CSTF3: variants seen among roughly 807,000 people sequenced by gnomAD.
The protein encoded by CSTF3 is cleavage stimulation factor subunit 3.
In CSTF3, 29 loss-of-function variants were observed where a neutral mutation model predicts 105.8. The ratio of observed to expected loss-of-function variants is 0.27; its 90% confidence interval spans 0.20 to 0.37. The LOEUF (loss-of-function observed/expected upper bound fraction) is 0.37, where lower values mean the gene tolerates loss of function less well. Ranked by LOEUF, CSTF3 falls within the 10% of genes least tolerant of loss-of-function variation. The pLI, the probability that CSTF3 is intolerant of heterozygous loss-of-function variation, is 1.00. For synonymous variants in CSTF3, 252 were observed against 281.9 expected, an observed-to-expected ratio of 0.89 and a Z score of 1.06; for missense variants, 357 against 879.3, an observed-to-expected ratio of 0.41 and a Z score of 7.51.
At chr11:33,131,596 C>A (rs1203587583) in intron 3 of CSTF3, among the ~76,000 whole-genome samples, 1 of 152,096 alleles carries the variant, frequency 6.6e-6, no homozygotes, top group Non-Finnish European at 1.5e-5. Context: ...CCTGTAATCC[C>A]CGCACTTTGG....
chr11:33,084,774 C>CTGT lies in CSTF3; in HGVS notation c.*310_*312dup, dbSNP rs1281245957. 3.7e-5 allele frequency: 12 copies of CTGT among 323,650 alleles called. No individual in the cohort carries two copies. The highest frequency in any genetic ancestry group is 2.3e-4 in the African/African-American group (11 of 47,780). 20.0% of individuals were successfully genotyped at this position (323,650 alleles called of 1,614,324 possible). On this transcript the variant is annotated 3_prime_UTR_variant, in exon 21 of 21. Coordinates refer to ENST00000323959, the MANE Select transcript of CSTF3 (RefSeq NM_001326.3). Reference sequence around the variant, plus strand: ...AAGCCATCCAGTTTTTAAAATAAAACTGTTGAAAAACTCACAAATCTTCAA... The same window carrying CTGT: ...AAGCCATCCAGTTTTTAAAATAAAACTGTTGTTGAAAAACTCACAAATCTTCAA...
chr11:33,108,046 C>A, intron 4 of CSTF3, 46 bp from the exon 5 acceptor site: 1 of 1,224,690 alleles, frequency 8.2e-7, no homozygotes, highest in Non-Finnish European at 1.2e-6. Flanking sequence ...AAATAAATTT[C>A]ACATGGACAT....
chr11:33,085,357 G>A, intron 20 of CSTF3, 68 bp from the exon 21 acceptor site: 1 of 880,232 alleles, frequency 1.1e-6, no homozygotes. Context: ...GTTCAACTGT[G>A]GATACTTTAT....
intron 1 of CSTF3, among the ~76,000 whole-genome samples, chr11:33,145,749 G>C (rs894005725): frequency 6.6e-6 from 1 of 151,968 alleles, no homozygotes; most frequent in East Asian, 1.9e-4. Context: ...GGGAGGCAGA[G>C]CTTGCAGTGA....
chr11:33,088,442 G>A (rs973451609), intron 17 of CSTF3, among the ~76,000 whole-genome samples: 15 of 151,710 alleles, frequency 9.9e-5, no homozygotes, highest in East Asian at 1.9e-4. Context: ...CACCAAGCCC[G>A]GCCAATTTTT....
chr11:33,108,050 T>C (rs1855343870), intron 4 of CSTF3, 50 bp from the exon 5 acceptor site: 3 of 1,160,796 alleles, frequency 2.6e-6, no homozygotes, highest in Non-Finnish European at 3.7e-6. Flanking sequence ...AAATTTCACA[T>C]GGACATAGAT....
chr11:33,132,250 C>G (rs1038696221), intron 3 of CSTF3, among the ~76,000 whole-genome samples: 3 of 152,120 alleles, frequency 2.0e-5, no homozygotes, highest in Non-Finnish European at 4.4e-5. Flanking sequence ...CATACCTTTT[C>G]CATACTACCA....
chr11:33,120,441 T>C (rs1034887478), intron 3 of CSTF3, among the ~76,000 whole-genome samples: 8 of 151,896 alleles, frequency 5.3e-5, no homozygotes, highest in African/African-American at 1.9e-4. Context: ...TGTTTTCCTT[T>C]TTGTAACAAT....
At chr11:33,144,077 C>T (rs1274391860) in intron 1 of CSTF3, among the ~76,000 whole-genome samples, 5 of 151,974 alleles carry the variant, frequency 3.3e-5, no homozygotes, top group Non-Finnish European at 5.9e-5. Flanking sequence ...TGATAATATC[C>T]GAGCATAAAG....
At chr11:33,154,092 C>T (rs1350810161) in intron 1 of CSTF3, among the ~76,000 whole-genome samples, 1 of 152,132 alleles carries the variant, frequency 6.6e-6, no homozygotes. Context: ...TTTAAAACAA[C>T]CAGCTATCAT....
chr11:33,150,219 T>TAAAAAAAAAAAAAAA (rs10714096), intron 1 of CSTF3, among the ~76,000 whole-genome samples: 53 of 104,344 alleles, frequency 5.1e-4, no homozygotes, highest in Non-Finnish European at 7.1e-4. Flanking sequence ...TGTCTCAAAC[T>TAAAAAAAAAAAAAAA]AAAAAAAAAA....
Position 33,161,411 on chromosome 11 carries a change from TAA to T in CSTF3, c.-88_-87del, listed in dbSNP as rs1408775438. The stretch of plus-strand genomic sequence containing the variant: ...AAACTAAAAACCACCCCCAAATCAG[TAA>T]AGTTACCCCCTGCCCAGCTGAGCCA... On this transcript the variant is annotated 5_prime_UTR_variant, in exon 1 of 21. Coordinates refer to ENST00000323959, the MANE Select transcript of CSTF3 (RefSeq NM_001326.3). 5 of 1,458,536 alleles carry T rather than the reference TAA, an allele frequency of 3.4e-6. No homozygotes were observed. Among genetic ancestry groups the T allele is most frequent in the South Asian group, 1.1e-5 (1 of 87,950 alleles). 90.3% of individuals were successfully genotyped at this position (1,458,536 alleles called of 1,614,324 possible). A position where few individuals can be genotyped will look rare whatever the true frequency, so the allele number is the denominator to read the frequency against.
At chr11:33,148,841 G>C (rs1432725318) in intron 1 of CSTF3, among the ~76,000 whole-genome samples, 1 of 149,470 alleles carries the variant, frequency 6.7e-6, no homozygotes, top group Non-Finnish European at 1.5e-5. Flanking sequence ...AAAAGCATGT[G>C]TGTGTGTACT....
intron 3 of CSTF3, 29 bp downstream of exon 3, chr11:33,141,637 AT>A: frequency 2.5e-6 from 4 of 1,592,348 alleles, no homozygotes; most frequent in Non-Finnish European, 3.4e-6. Context: ...TGCAATACTG[AT>A]ATAAGAAAAA....
chr11:33,139,088 T>A (rs1009153489), intron 3 of CSTF3, among the ~76,000 whole-genome samples: 11 of 152,050 alleles, frequency 7.2e-5, no homozygotes, highest in Admixed American at 2.0e-4. Flanking sequence ...TAACCTTTTT[T>A]AAAAGTAATT....
chr11:33,158,372 T>C (rs899103513), intron 1 of CSTF3, among the ~76,000 whole-genome samples: 3 of 152,110 alleles, frequency 2.0e-5, no homozygotes, highest in African/African-American at 4.8e-5. Flanking sequence ...CATGAATCCA[T>C]AGCGATACTT....
At chr11:33,139,130 A>AT (rs1565016631) in intron 3 of CSTF3, among the ~76,000 whole-genome samples, 2 of 151,860 alleles carry the variant, frequency 1.3e-5, no homozygotes, top group Admixed American at 1.3e-4. Context: ...GATGTTTCAA[A>AT]TTTTTTTAAA....
At chr11:33,134,515 A>G (rs779084749) in intron 3 of CSTF3, 6 of 152,204 alleles carry the variant, frequency 3.9e-5, no homozygotes, top group Non-Finnish European at 7.3e-5. Flanking sequence ...TTTTGCTGAC[A>G]ATCTTCCCTC....
At position 33,090,749 on chromosome 11, in the gene CSTF3, C is replaced by G. The variant is rs773905793; in HGVS notation, c.1446-22G>C. The G allele has an allele frequency of 1.0e-5, 15 of 1,478,142 alleles. No individual in the cohort carries two copies. The African/African-American group carries it at 1.8e-4, about 18-fold the overall frequency. The allele number at this position is 1,478,142 out of a possible 1,614,324, so 91.6% of individuals were successfully genotyped here. A position where few individuals can be genotyped will look rare whatever the true frequency, so the allele number is the denominator to read the frequency against. On this transcript the variant is annotated intron_variant, in intron 16 of 20. Coordinates refer to ENST00000323959, the MANE Select transcript of CSTF3 (RefSeq NM_001326.3). Reference sequence around the variant, plus strand: ...TTCTCTGCAAGAAAAGAAATACAATCAATACTTTAATTATTCTGGGTTTAG... The same window carrying G: ...TTCTCTGCAAGAAAAGAAATACAATGAATACTTTAATTATTCTGGGTTTAG...
Sources: allele counts gnomAD v4.1 joint callset (sites outside exome capture counted in the v4.1 genomes callset), GRCh38; gene constraint gnomAD v4.1.1; transcripts MANE v1.5; gene names NCBI Gene and HGNC (gene_info 2026-07-23, HGNC 2026-07-21).